MALRD1: variants seen among roughly 807,000 people sequenced by gnomAD.
The protein encoded by MALRD1 is MAM and LDL-receptor class A domain-containing protein 1.
A neutral mutation model predicts 242.1 loss-of-function variants in MALRD1; 247 were observed. The observed-to-expected ratio is 1.02, with a 90% CI of 0.92 to 1.13. The LOEUF (loss-of-function observed/expected upper bound fraction) is 1.13, where lower values mean the gene tolerates loss of function less well. Ranked by LOEUF, MALRD1 falls within the 50% of genes most tolerant of loss-of-function variation. The pLI, the probability that MALRD1 is intolerant of heterozygous loss-of-function variation, is 0.00. For synonymous variants in MALRD1, 995 were observed against 866.6 expected (o/e 1.15, Z -2.60); for missense variants, 2,989 against 2,533.1 (o/e 1.18, Z -3.86).
In MALRD1 at chr10:19,136,609, T is replaced by G; in HGVS notation, c.1239T>G (p.Ser413Arg). Residue 413 changes from serine (S) to arginine (R), a missense_variant, in exon 10 of 40, where the codon AGT (serine) becomes AGG (arginine). Coordinates refer to ENST00000454679, the MANE Select transcript of MALRD1 (RefSeq NM_001142308.3). ...AAGGGACTCTTTTGAGCCAGAGAAG[T>G]TTTATTGCCCTTGATCACCTCTGGG... The part of the protein sequence containing the change: ...IFEGTLLSQR[S>R]FIALDHLWVY... 1 of 1,231,642 alleles carries G rather than the reference T, an allele frequency of 8.1e-7. No homozygotes were observed. The highest frequency in any genetic ancestry group is 1.0e-6 in the Non-Finnish European group (1 of 987,934). The allele number at this position is 1,231,642 out of a possible 1,614,324, so 76.3% of individuals were successfully genotyped here. A position where few individuals can be genotyped will look rare whatever the true frequency, so the allele number is the denominator to read the frequency against.
intron 38 of MALRD1, among the ~76,000 whole-genome samples, chr10:19,692,854 T>C (rs1019500581): frequency 3.6e-4 from 41 of 114,572 alleles, no homozygotes; most frequent in African/African-American, 1.2e-3. Flanking sequence ...ATGAAATTTA[T>C]ATATAGATGA....
intron 21 of MALRD1, among the ~76,000 whole-genome samples, chr10:19,320,833 T>C (rs1842888108): frequency 6.6e-6 from 1 of 152,182 alleles, no homozygotes; most frequent in Non-Finnish European, 1.5e-5. Flanking sequence ...CCTGTGATGA[T>C]GAGCTTTTTT....
In MALRD1 at chr10:19,421,762, C is replaced by G. The variant is rs114781619; in HGVS notation, c.4846-28545C>G. Among the ~76,000 whole-genome samples the G allele has an allele frequency of 5.5e-3, 835 of 152,304 alleles. 5 individuals are homozygous for G. Among genetic ancestry groups the G allele is most frequent in the African/African-American group, 0.018 (753 of 41,562 alleles). The stretch of plus-strand genomic sequence containing the variant: ...AAAGGTGATTTTTACAATTAATCGT[C>G]TTTCTCTCCACTTTTCAGAGGCAGA... On this transcript the variant is annotated intron_variant, in intron 28 of 39. Transcript: ENST00000454679.
chr10:19,674,953 T>A (rs1030466610), intron 36 of MALRD1, among the ~76,000 whole-genome samples: 3 of 150,264 alleles, frequency 2.0e-5, no homozygotes, highest in African/African-American at 4.9e-5. Context: ...AACACCAACT[T>A]CAGGACATTT....
At chr10:19,108,385 TTC>T (rs1836548460) in intron 5 of MALRD1, among the ~76,000 whole-genome samples, 2 of 49,352 alleles carry the variant, frequency 4.1e-5, no homozygotes, top group African/African-American at 1.4e-4. Context: ...GAATTGTTTT[TTC>T]TTTTTTTTTT....
At chr10:19,531,014 A>G (rs1159684633) in intron 31 of MALRD1, among the ~76,000 whole-genome samples, 180 bp from the exon 32 acceptor site, 1 of 152,212 alleles carries the variant, frequency 6.6e-6, no homozygotes, top group Non-Finnish European at 1.5e-5. Flanking sequence ...GATCATAGTG[A>G]CACTTTTTAG....
At chr10:19,733,867 G>A (rs1023192457) in intron 39 of MALRD1, among the ~76,000 whole-genome samples, 1 of 152,026 alleles carries the variant, frequency 6.6e-6, no homozygotes, top group African/African-American at 2.4e-5. Context: ...AGTGAAACCA[G>A]CACCAGAGAA....
intron 24 of MALRD1, among the ~76,000 whole-genome samples, chr10:19,332,299 A>T (rs1843412160): frequency 6.6e-6 from 1 of 151,682 alleles, no homozygotes; most frequent in Non-Finnish European, 1.5e-5. Context: ...ATATTGTCAG[A>T]TGTGATAGGT....
chr10:19,346,515 G>A (rs891091192), intron 24 of MALRD1, among the ~76,000 whole-genome samples: 1 of 151,992 alleles, frequency 6.6e-6, no homozygotes, highest in Admixed American at 6.6e-5. Context: ...TTTAATATTT[G>A]GACACTTATT....
intron 21 of MALRD1, among the ~76,000 whole-genome samples, chr10:19,311,685 G>A (rs1842432474): frequency 6.6e-6 from 1 of 151,366 alleles, no homozygotes; most frequent in Admixed American, 6.6e-5. Flanking sequence ...GAAATGAAAT[G>A]CAATGATATA....
At chr10:19,646,560 G>A (rs180965612) in intron 36 of MALRD1, among the ~76,000 whole-genome samples, 321 of 151,822 alleles carry the variant, frequency 2.1e-3, no homozygotes, top group Non-Finnish European at 3.6e-3. Context: ...AGCTGAAATC[G>A]CACCACTGCA....
intron 38 of MALRD1, among the ~76,000 whole-genome samples, chr10:19,698,435 G>T (rs1330035719): frequency 6.6e-6 from 1 of 152,204 alleles, no homozygotes; most frequent in Admixed American, 6.5e-5. Flanking sequence ...ACAAAGGGAA[G>T]CAGAACCATC....
intron 28 of MALRD1, among the ~76,000 whole-genome samples, chr10:19,435,766 G>A (rs182501841): frequency 6.6e-6 from 1 of 152,124 alleles, no homozygotes; most frequent in Admixed American, 6.6e-5. Flanking sequence ...TCCTTACTGT[G>A]CTTTTCAGAA....
At chr10:19,447,126 CT>C (rs1477887169) in intron 28 of MALRD1, among the ~76,000 whole-genome samples, 3 of 150,786 alleles carry the variant, frequency 2.0e-5, no homozygotes, top group African/African-American at 7.3e-5. Flanking sequence ...ACTGAGAGTG[CT>C]TTTACAGTAG....
intron 18 of MALRD1, among the ~76,000 whole-genome samples, chr10:19,237,644 ATT>A (rs1421567042): frequency 3.1e-5 from 3 of 98,164 alleles, no homozygotes; most frequent in African/African-American, 7.8e-5. Flanking sequence ...TTATATATAA[ATT>A]ATTATAATTA....
Position 19,498,617 on chromosome 10 carries a change from C to G in MALRD1, c.5291C>G (p.Ala1764Gly). 1 of 1,550,090 alleles carries G rather than the reference C, an allele frequency of 6.5e-7. No individual in the cohort carries two copies. Among genetic ancestry groups the G allele is most frequent in the Admixed American group, 2.0e-5 (1 of 50,912 alleles). The change falls in exon 31 of 40, where the codon GCA (alanine) becomes GGA (glycine). Residue 1764 changes from alanine to glycine, a missense_variant. Physicochemically the swap from Ala to Gly is moderately conservative, Grantham distance 60. Transcript: ENST00000454679. Reference protein sequence around the residue: ...WAIGSRIPAKALIPDSDHTPG... With the variant: ...WAIGSRIPAKGLIPDSDHTPG... ...ATTGGCAGCAGAATTCCTGCCAAAG[C>G]ATTAATTCCAGACTCTGATCACACG...
intron 28 of MALRD1, among the ~76,000 whole-genome samples, chr10:19,445,702 T>A (rs1589087311): frequency 6.6e-6 from 1 of 152,194 alleles, no homozygotes; most frequent in East Asian, 1.9e-4. Context: ...GTGTGAGGTG[T>A]CACCCTACTG....
intron 18 of MALRD1, among the ~76,000 whole-genome samples, chr10:19,219,597 G>A (rs577328866): frequency 1.8e-4 from 28 of 151,996 alleles, no homozygotes; most frequent in Middle Eastern, 3.4e-3. Flanking sequence ...CCACCACACC[G>A]GCTAATTTTT....
intron 29 of MALRD1, among the ~76,000 whole-genome samples, chr10:19,465,764 G>A (rs1407715824): frequency 2.0e-5 from 3 of 152,082 alleles, no homozygotes; most frequent in Admixed American, 6.5e-5. Context: ...AAACTCCTGA[G>A]CTCAAGCAAT....
Sources: allele counts gnomAD v4.1 joint callset (sites outside exome capture counted in the v4.1 genomes callset), GRCh38; gene constraint gnomAD v4.1.1; transcripts MANE v1.5; gene names NCBI Gene and HGNC (gene_info 2026-07-23, HGNC 2026-07-21).